SESTD1: variants seen among roughly 807,000 people sequenced by gnomAD.
SESTD1 encodes SEC14 and spectrin domain containing 1.
A neutral mutation model predicts 101.7 loss-of-function variants in SESTD1; 43 were observed. That is an observed-to-expected ratio of 0.42 (90% CI 0.33 to 0.55). SESTD1 has a LOEUF of 0.55. Among genes scored for constraint, SESTD1 ranks in the 20% least tolerant of loss-of-function variants. The pLI is 0.07. For synonymous variants in SESTD1, 283 were observed against 286.8 expected (o/e 0.99, Z 0.13); for missense variants, 647 against 815.1 (o/e 0.79, Z 2.51).
At chr2:179,259,621 G>C (rs891193463) in intron 1 of SESTD1, among the ~76,000 whole-genome samples, 5 of 151,994 alleles carry the variant, frequency 3.3e-5, no homozygotes, top group African/African-American at 1.2e-4. Flanking sequence ...ACATAGGACA[G>C]AACAAAACTT....
chr2:179,214,125 T>C (rs1445508441), intron 1 of SESTD1, among the ~76,000 whole-genome samples: 1 of 134,256 alleles, frequency 7.4e-6, no homozygotes, highest in Non-Finnish European at 1.6e-5. Context: ...AATTCACACA[T>C]AACAATATTA....
chr2:179,151,840 CA>C (rs2045537098), intron 5 of SESTD1, among the ~76,000 whole-genome samples: 1 of 152,032 alleles, frequency 6.6e-6, no homozygotes, highest in African/African-American at 2.4e-5. Context: ...TACATATAAA[CA>C]AAACAAGTCC....
chr2:179,125,965 A>G (rs143842586), intron 10 of SESTD1, among the ~76,000 whole-genome samples: 1 of 152,178 alleles, frequency 6.6e-6, no homozygotes, highest in Non-Finnish European at 1.5e-5. Flanking sequence ...ATTACAGCCT[A>G]TCTCTGTTGC....
At chr2:179,223,242 A>G (rs1002385074) in intron 1 of SESTD1, among the ~76,000 whole-genome samples, 1 of 152,154 alleles carries the variant, frequency 6.6e-6, no homozygotes, top group Non-Finnish European at 1.5e-5. Context: ...ATCCAAACAG[A>G]AAGAAAGTAG....
intron 1 of SESTD1, among the ~76,000 whole-genome samples, chr2:179,257,523 C>T (rs2047416221): frequency 6.6e-6 from 1 of 152,136 alleles, no homozygotes; most frequent in African/African-American, 2.4e-5. Context: ...GAGATATTTG[C>T]TTTACTGTGG....
intron 1 of SESTD1, among the ~76,000 whole-genome samples, chr2:179,239,805 A>C (rs1021583632): frequency 2.6e-5 from 4 of 152,214 alleles, no homozygotes; most frequent in African/African-American, 9.6e-5. Context: ...CTACTATTCC[A>C]ATGTTTAAGT....
At chr2:179,261,344 T>C (rs2047480427) in intron 1 of SESTD1, among the ~76,000 whole-genome samples, 1 of 152,218 alleles carries the variant, frequency 6.6e-6, no homozygotes, top group African/African-American at 2.4e-5. Flanking sequence ...AATTTCTGTA[T>C]GCCTCATTGA....
intron 13 of SESTD1, among the ~76,000 whole-genome samples, chr2:179,118,221 T>C (rs1293257930): frequency 6.6e-6 from 1 of 152,134 alleles, no homozygotes; most frequent in Admixed American, 6.5e-5. Context: ...AAACCCTCCA[T>C]CTACATTCTT....
intron 3 of SESTD1, among the ~76,000 whole-genome samples, chr2:179,180,338 A>T (rs2046086645): frequency 6.6e-6 from 1 of 152,206 alleles, no homozygotes; most frequent in South Asian, 2.1e-4. Flanking sequence ...TGCATGAAAA[A>T]AACAATTTTG....
chr2:179,168,599 GA>G (rs1316543640), intron 5 of SESTD1, among the ~76,000 whole-genome samples: 1 of 151,774 alleles, frequency 6.6e-6, no homozygotes, highest in African/African-American at 2.4e-5. Context: ...AACAAAAAAT[GA>G]GACAATTCAA....
chr2:179,114,909 T>C (rs2044594081), intron 16 of SESTD1, among the ~76,000 whole-genome samples, 156 bp downstream of exon 16: 1 of 152,208 alleles, frequency 6.6e-6, no homozygotes, highest in African/African-American at 2.4e-5. Flanking sequence ...TTGAACTCTC[T>C]AAGGCAATGT....
intron 9 of SESTD1, among the ~76,000 whole-genome samples, chr2:179,140,170 C>A (rs1002195476): frequency 6.6e-6 from 1 of 152,092 alleles, no homozygotes; most frequent in Non-Finnish European, 1.5e-5. Flanking sequence ...TTTTTCATAT[C>A]ATGAAAAGAA....
chr2:179,166,367 GA>G (rs888433790), intron 5 of SESTD1, among the ~76,000 whole-genome samples: 3 of 150,196 alleles, frequency 2.0e-5, no homozygotes, highest in Admixed American at 6.6e-5. Context: ...TCTCTCCTAT[GA>G]AAAAAAAAAT....
At chr2:179,119,773 C>T (rs556465375) in intron 13 of SESTD1, among the ~76,000 whole-genome samples, 26 of 152,208 alleles carry the variant, frequency 1.7e-4, no homozygotes, top group African/African-American at 5.8e-4. Context: ...TAAAAGTGTG[C>T]CGCACCTCCC....
intron 1 of SESTD1, among the ~76,000 whole-genome samples, chr2:179,260,980 A>G (rs1488436051): frequency 6.6e-6 from 1 of 152,186 alleles, no homozygotes; most frequent in East Asian, 1.9e-4. Flanking sequence ...TTAGGAGTGA[A>G]GAAGGGGAAA....
chr2:179,245,413 G>C (rs1452364493), intron 1 of SESTD1, among the ~76,000 whole-genome samples: 1 of 151,126 alleles, frequency 6.6e-6, no homozygotes, highest in Non-Finnish European at 1.5e-5. Context: ...CTACTCAGGA[G>C]GCTAAGGCAG....
At chr2:179,220,785 C>A (rs1157634991) in intron 1 of SESTD1, among the ~76,000 whole-genome samples, 2 of 152,152 alleles carry the variant, frequency 1.3e-5, no homozygotes, top group African/African-American at 2.4e-5. Context: ...CTCAGAATTT[C>A]TCTGGGTCAT....
Position 179,115,115 on chromosome 2 carries a change from T to C in SESTD1, c.1789A>G (p.Arg597Gly). The change falls in exon 16 of 18, where the codon AGA becomes GGA. Residue 597 changes from arginine to glycine, a missense_variant. Transcript: ENST00000428443. ...ATAGCCATTTCCAATCTATGTACTC[T>C]CTCTTCAGATGCTATTGTAAATTGT... Reference protein sequence around the residue: ...WKQFTIASEERVHRLEMAIAF... With the variant: ...WKQFTIASEEGVHRLEMAIAF... The C allele has an allele frequency of 6.2e-7, 1 of 1,611,792 alleles. No individual in the cohort carries two copies. Among genetic ancestry groups the C allele is most frequent in the Non-Finnish European group, 8.5e-7 (1 of 1,179,542 alleles).
At chr2:179,168,538 C>A (rs1180666778) in intron 5 of SESTD1, among the ~76,000 whole-genome samples, 2 of 151,536 alleles carry the variant, frequency 1.3e-5, no homozygotes, top group Non-Finnish European at 2.9e-5. Context: ...AAAAAAAAAA[C>A]TTGAAAATAA....
Sources: allele counts gnomAD v4.1 joint callset (sites outside exome capture counted in the v4.1 genomes callset), GRCh38; gene constraint gnomAD v4.1.1; transcripts MANE v1.5; gene names NCBI Gene and HGNC (gene_info 2026-07-23, HGNC 2026-07-21).